The following ST6GALNAC3 variants were observed in gnomAD, a reference collection of about 807,000 sequenced individuals.
The protein encoded by ST6GALNAC3 is ST6 N-acetylgalactosaminide alpha-2,6-sialyltransferase 3.
ST6GALNAC3 carries 25 observed loss-of-function variants against 32.7 expected under a neutral mutation model. That is an observed-to-expected ratio of 0.76 (90% CI 0.56 to 1.07). ST6GALNAC3 has a LOEUF of 1.07. ST6GALNAC3 is among the 50% of genes least tolerant of loss of function. The probability of loss-of-function intolerance (pLI) is 0.00; values close to 1 mark genes in which losing one functional copy is unlikely to be tolerated. For synonymous variants in ST6GALNAC3, 129 were observed against 133.1 expected (o/e 0.97, Z 0.21); for missense variants, 355 against 382.4 (o/e 0.93, Z 0.60).
chr1:76,214,671 C>T (rs1655358356), intron 1 of ST6GALNAC3, among the ~76,000 whole-genome samples: 1 of 152,176 alleles, frequency 6.6e-6, no homozygotes, highest in Non-Finnish European at 1.5e-5. Context: ...TTCTTGCACA[C>T]AGTAGGTACT....
At chr1:76,435,539 A>C (rs1278329248) in intron 3 of ST6GALNAC3, among the ~76,000 whole-genome samples, 1 of 152,216 alleles carries the variant, frequency 6.6e-6, no homozygotes, top group African/African-American at 2.4e-5. Flanking sequence ...CTGAATGCTG[A>C]GTAAACAATT....
intron 1 of ST6GALNAC3, among the ~76,000 whole-genome samples, chr1:76,143,029 A>C (rs1650431633): frequency 6.6e-6 from 1 of 152,208 alleles, no homozygotes; most frequent in Admixed American, 6.5e-5. Context: ...TCACAGGGAA[A>C]TTAAATGCCT....
chr1:76,402,040 T>A (rs944021678), intron 2 of ST6GALNAC3, among the ~76,000 whole-genome samples: 29 of 151,756 alleles, frequency 1.9e-4, no homozygotes, highest in African/African-American at 5.1e-4. Flanking sequence ...GAATTTATAT[T>A]TTTTTTTGCA....
At chr1:76,591,167 C>A (rs1233586726) in intron 3 of ST6GALNAC3, among the ~76,000 whole-genome samples, 1 of 150,016 alleles carries the variant, frequency 6.7e-6, no homozygotes, top group Non-Finnish European at 1.5e-5. Context: ...AAGAGTTAAC[C>A]AGGCTGTGTG....
At chr1:76,290,926 G>A (rs1414818325) in intron 1 of ST6GALNAC3, among the ~76,000 whole-genome samples, 5 of 152,088 alleles carry the variant, frequency 3.3e-5, no homozygotes, top group African/African-American at 1.2e-4. Context: ...CCTATTTACC[G>A]AGCGAGCTGT....
chr1:76,134,395 C>G (rs1473369134), intron 1 of ST6GALNAC3, among the ~76,000 whole-genome samples: 1 of 152,176 alleles, frequency 6.6e-6, no homozygotes, highest in Non-Finnish European at 1.5e-5. Context: ...TTTTCCAGGC[C>G]TGAAGCTCCT....
At chr1:76,201,267 G>A (rs1326442987) in intron 1 of ST6GALNAC3, among the ~76,000 whole-genome samples, 1 of 152,174 alleles carries the variant, frequency 6.6e-6, no homozygotes, top group South Asian at 2.1e-4. Context: ...CATGGTGAAA[G>A]GCAAAGGAGG....
At chr1:76,122,862 G>A (rs1160438584) in intron 1 of ST6GALNAC3, among the ~76,000 whole-genome samples, 1 of 152,174 alleles carries the variant, frequency 6.6e-6, no homozygotes, top group Non-Finnish European at 1.5e-5. Flanking sequence ...TGAGACGAGA[G>A]CTACAGACAC....
chr1:76,148,862 T>C (rs1034137508), intron 1 of ST6GALNAC3, among the ~76,000 whole-genome samples: 1 of 152,232 alleles, frequency 6.6e-6, no homozygotes. Flanking sequence ...ACTAAATGAA[T>C]GAAAATTGTA....
rs1654301337 is a variant in ST6GALNAC3, at chr1:76,412,259, G to A, written c.465G>A (p.Trp155Ter). 19 of 1,613,298 alleles carry A rather than the reference G, an allele frequency of 1.2e-5. No individual in the cohort carries two copies. The highest frequency in any genetic ancestry group is 1.5e-5 in the Non-Finnish European group (18 of 1,179,734). Residue 155 changes from tryptophan (W) to a stop codon, truncating the protein, a stop_gained, in exon 3 of 5, where the codon TGG (tryptophan) becomes TGA (stop). Transcript: ENST00000328299. LOFTEE classifies it high-confidence loss of function. The part of the protein sequence containing the change: ...KEANTTIYVI[W>*]GPFRNMRKDG... ...CGAATACTACTATTTATGTTATTTG[G>A]GGACCTTTCCGCAATATGAGGAAAG...
chr1:76,363,045 G>C (rs890554205), intron 2 of ST6GALNAC3, among the ~76,000 whole-genome samples: 1 of 152,212 alleles, frequency 6.6e-6, no homozygotes, highest in Non-Finnish European at 1.5e-5. Flanking sequence ...TGAGGGATCT[G>C]CTCCTGCAAC....
chr1:76,388,785 C>A (rs967345611), intron 2 of ST6GALNAC3, among the ~76,000 whole-genome samples: 3 of 152,110 alleles, frequency 2.0e-5, no homozygotes, highest in African/African-American at 7.2e-5. Context: ...GGTCACATTT[C>A]TCCTCTGTAT....
intron 2 of ST6GALNAC3, among the ~76,000 whole-genome samples, chr1:76,366,312 C>CT (rs1650369268): frequency 6.6e-6 from 1 of 152,058 alleles, no homozygotes; most frequent in Admixed American, 6.6e-5. Context: ...AAAATTCTAC[C>CT]TTTTTTCCTG....
intron 1 of ST6GALNAC3, among the ~76,000 whole-genome samples, chr1:76,269,965 G>A (rs917967140): frequency 6.6e-6 from 1 of 152,122 alleles, no homozygotes; most frequent in African/African-American, 2.4e-5. Flanking sequence ...GAAGCATGAA[G>A]TTAGAATCAT....
chr1:76,609,563 G>A (rs163603), intron 3 of ST6GALNAC3, among the ~76,000 whole-genome samples: 25,618 of 152,012 alleles, frequency 0.17, 2,960 homozygotes, highest in African/African-American at 0.34. Flanking sequence ...GGTCTATTAA[G>A]ATGTTTTTTA....
At chr1:76,589,628 G>A (rs1407449250) in intron 3 of ST6GALNAC3, among the ~76,000 whole-genome samples, 1 of 151,832 alleles carries the variant, frequency 6.6e-6, no homozygotes, top group Non-Finnish European at 1.5e-5. Flanking sequence ...GTCAGGTGGG[G>A]GAACTGACTC....
chr1:76,432,284 G>T (rs1045451485), intron 3 of ST6GALNAC3, among the ~76,000 whole-genome samples: 2 of 152,010 alleles, frequency 1.3e-5, no homozygotes, highest in African/African-American at 4.8e-5. Flanking sequence ...CATCTTGGTT[G>T]TTTCCAAGTT....
At chr1:76,165,535 C>T (rs1652068269) in intron 1 of ST6GALNAC3, among the ~76,000 whole-genome samples, 1 of 152,060 alleles carries the variant, frequency 6.6e-6, no homozygotes, top group African/African-American at 2.4e-5. Context: ...GATATATACC[C>T]AGTAATGAGA....
rs533167515 is a variant in ST6GALNAC3, at chr1:76,232,404, G to A, written c.19-81401G>A. On this transcript the variant is annotated intron_variant, in intron 1 of 4. Coordinates refer to ENST00000328299, the MANE Select transcript of ST6GALNAC3 (RefSeq NM_152996.4). ...ACTCACCCCACTCCAGGGCTGCTGG[G>A]TCCAGATGGGCAAATTGGGTTCGAA... Among the ~76,000 whole-genome samples, 4 of 152,010 alleles carry A rather than the reference G, an allele frequency of 2.6e-5. No homozygotes were observed. In the South Asian group the frequency reaches 8.3e-4, roughly 32 times the overall value.
Sources: gnomAD v4.1 joint callset for allele counts (sites outside exome capture counted in the v4.1 genomes callset) on GRCh38, gnomAD v4.1.1 for gene constraint, MANE v1.5 for transcripts, NCBI Gene and HGNC (gene_info 2026-07-23, HGNC 2026-07-21) for gene names.